Variants in TGFBRAP1 observed in about 807,000 individuals in gnomAD.
The protein encoded by TGFBRAP1 is transforming growth factor-beta receptor-associated protein 1.
TGFBRAP1 carries 20 observed loss-of-function variants against 83.2 expected under a neutral mutation model. The observed-to-expected ratio is 0.24, with a 90% CI of 0.17 to 0.35. The LOEUF (loss-of-function observed/expected upper bound fraction) is 0.35. Among genes scored for constraint, TGFBRAP1 ranks in the 10% least tolerant of loss-of-function variants. The pLI, the probability that TGFBRAP1 is intolerant of heterozygous loss-of-function variation, is 1.00. For missense variants in TGFBRAP1, 950 were observed against 1,099.4 expected (o/e 0.86, Z 1.92); for synonymous variants, 415 against 459.8 (o/e 0.90, Z 1.25).
At position 105,285,315 on chromosome 2, in the gene TGFBRAP1, A is replaced by C. The variant is rs146610633; in HGVS notation, c.1039-917T>G. Among the ~76,000 whole-genome samples the C allele has an allele frequency of 3.5e-3, 538 of 152,290 alleles. 5 individuals carry two copies. The highest frequency in any genetic ancestry group is 0.012 in the African/African-American group (510 of 41,548). The stretch of plus-strand genomic sequence containing the variant: ...CACTCACCTAGCGTCTCCCACTACT[A>C]GCCATGTGTCTGCCATTCAGTCGGT... On this transcript the variant is annotated intron_variant, in intron 4 of 11. Coordinates refer to ENST00000393359, the MANE Select transcript of TGFBRAP1 (RefSeq NM_004257.6).
intron 1 of TGFBRAP1, among the ~76,000 whole-genome samples, chr2:105,314,123 A>G (rs1231317245): frequency 6.6e-6 from 1 of 152,166 alleles, no homozygotes; most frequent in Admixed American, 6.5e-5. Flanking sequence ...AAGACACAGA[A>G]AGAGGAAGGA....
intron 1 of TGFBRAP1, among the ~76,000 whole-genome samples, chr2:105,316,539 G>A (rs1678885119): frequency 6.6e-6 from 1 of 151,026 alleles, no homozygotes; most frequent in Non-Finnish European, 1.5e-5. Flanking sequence ...GGGAGCAGTG[G>A]CTCATGCCTG....
chr2:105,298,814 T>C (rs1200014519), intron 2 of TGFBRAP1, 109 bp from the exon 3 acceptor site: 20 of 994,870 alleles, frequency 2.0e-5, no homozygotes, highest in Non-Finnish European at 2.6e-5. Context: ...AATTTTCCTG[T>C]ACAGTCTTAT....
chr2:105,285,847 G>T (rs1357693408), intron 4 of TGFBRAP1, among the ~76,000 whole-genome samples: 2 of 152,094 alleles, frequency 1.3e-5, no homozygotes, highest in Non-Finnish European at 2.9e-5. Flanking sequence ...TTTCTTCACT[G>T]AAACCAGCCA....
intron 1 of TGFBRAP1, among the ~76,000 whole-genome samples, chr2:105,328,485 G>A (rs1679282808): frequency 6.6e-6 from 1 of 152,204 alleles, no homozygotes; most frequent in South Asian, 2.1e-4. Context: ...GCTCTCAGTT[G>A]TCTGCCAGCT....
chr2:105,296,604 G>T, intron 3 of TGFBRAP1, 94 bp from the exon 4 acceptor site: 2 of 1,362,856 alleles, frequency 1.5e-6, no homozygotes, highest in Non-Finnish European at 2.0e-6. Context: ...TACCTGATTT[G>T]TTCAACAACT....
At chr2:105,324,675 C>T (rs566867001) in intron 1 of TGFBRAP1, among the ~76,000 whole-genome samples, 5 of 152,140 alleles carry the variant, frequency 3.3e-5, no homozygotes, top group Non-Finnish European at 4.4e-5. Flanking sequence ...GGAGTCTTTC[C>T]CCTGACAGAG....
At chr2:105,301,268 T>C (rs915209876) in intron 2 of TGFBRAP1, among the ~76,000 whole-genome samples, 4 of 151,958 alleles carry the variant, frequency 2.6e-5, no homozygotes, top group African/African-American at 9.7e-5. Context: ...AAATTGAATG[T>C]ATTCCTTACA....
chr2:105,269,671 G>A lies in TGFBRAP1; in HGVS notation c.2007C>T (p.Ser669=), dbSNP rs777278959. 29 of 1,571,300 alleles carry A rather than the reference G, an allele frequency of 1.8e-5. No homozygotes were observed. The highest frequency in any genetic ancestry group is 6.8e-5 in the East Asian group (3 of 44,260). ...RLQGAGLPME[S]AILHGKLGEH... ...CGCCCAGCTTCCCGTGCAGGATGGC[G>A]CTCTCCATGGGCAGGCCAGCTCCCT... is the stretch of plus-strand genomic sequence containing the variant. Residue 669 remains serine (S), a synonymous_variant, in exon 11 of 12, where the codon AGC becomes AGT. Coordinates refer to ENST00000393359, the MANE Select transcript of TGFBRAP1 (RefSeq NM_004257.6). This position sits in a 1 kb window ranked among gnomAD's most constrained non-coding sequence, Gnocchi z 4.1.
intron 1 of TGFBRAP1, among the ~76,000 whole-genome samples, chr2:105,314,249 C>CTT (rs1198445714): frequency 0.026 from 3,084 of 118,564 alleles, 186 homozygotes; most frequent in African/African-American, 0.095. Context: ...AGTACTTTCT[C>CTT]TTTTTTTTTT....
intron 7 of TGFBRAP1, among the ~76,000 whole-genome samples, chr2:105,276,875 G>T (rs1160891972): frequency 6.6e-6 from 1 of 152,212 alleles, no homozygotes; most frequent in African/African-American, 2.4e-5. Context: ...CCAGAGTCAT[G>T]AGGTTAACTT....
intron 9 of TGFBRAP1, 152 bp downstream of exon 9, chr2:105,273,392 C>G (rs1483340929): frequency 9.4e-7 from 1 of 1,058,412 alleles, no homozygotes; most frequent in Non-Finnish European, 1.3e-6. Flanking sequence ...AGGTCTCTTT[C>G]CGCAAGCCTC....
At position 105,269,174 on chromosome 2, in the gene TGFBRAP1, A is replaced by G. The variant is rs547122473; in HGVS notation, c.2406+98T>C. On this transcript the variant is annotated intron_variant, in intron 11 of 11. Coordinates refer to ENST00000393359, the MANE Select transcript of TGFBRAP1 (RefSeq NM_004257.6). The surrounding 1 kb of genome is among the most constrained non-coding windows in gnomAD (Gnocchi z 4.1). ...ATGTGTTGTAGTCATAGAGACAGAA[A>G]AAAGAAAAACCAACAAAGACTATTT... 1 of 1,405,566 alleles carries G rather than the reference A, an allele frequency of 7.1e-7. No homozygotes were observed. The highest frequency in any genetic ancestry group is 2.5e-5 in the East Asian group (1 of 39,688). The allele number at this position is 1,405,566 out of a possible 1,614,324, so 87.1% of individuals were successfully genotyped here. A position where few individuals can be genotyped will look rare whatever the true frequency, so the allele number is the denominator to read the frequency against.
chr2:105,284,292 C>T (rs1450123600), intron 5 of TGFBRAP1, 24 bp downstream of exon 5: 1 of 1,611,782 alleles, frequency 6.2e-7, no homozygotes. Context: ...TAGTGGCAGT[C>T]TTGCTACCAG....
In TGFBRAP1 at chr2:105,269,224, G is replaced by C. The variant is rs1200187010; in HGVS notation, c.2406+48C>G. 1 of 1,516,494 alleles carries C rather than the reference G, an allele frequency of 6.6e-7. No homozygotes were observed. Among genetic ancestry groups the C allele is most frequent in the African/African-American group, 1.4e-5 (1 of 72,216 alleles). 93.9% of individuals were successfully genotyped at this position (1,516,494 alleles called of 1,614,324 possible). ...TTTCCATCAGTAAAATCTACCTTCAGTACAATGTTGACTGACCAGGAAGCA... is the reference window on the plus strand; with the variant it reads ...TTTCCATCAGTAAAATCTACCTTCACTACAATGTTGACTGACCAGGAAGCA... On this transcript the variant is annotated intron_variant, in intron 11 of 11. Transcript: ENST00000393359. The surrounding 1 kb of genome is among the most constrained non-coding windows in gnomAD (Gnocchi z 4.1).
intron 1 of TGFBRAP1, among the ~76,000 whole-genome samples, chr2:105,311,199 T>A (rs1412092179): frequency 1.3e-5 from 2 of 150,656 alleles, no homozygotes; most frequent in African/African-American, 2.4e-5. Context: ...TAAAAAGTCA[T>A]AACTCTATAA....
rs750427203 is a variant in TGFBRAP1 at position 105,269,545 on chromosome 2, G to A, written c.2133C>T (p.His711=). The A allele has an allele frequency of 2.5e-6, 4 of 1,611,960 alleles. No homozygotes were observed. The highest frequency in any genetic ancestry group is 3.4e-6 in the Non-Finnish European group (4 of 1,178,806). Residue 711 remains histidine (H), a synonymous_variant, in exon 11 of 12, where the codon CAC becomes CAT. Transcript: ENST00000393359. The surrounding 1 kb of genome is among the most constrained non-coding windows in gnomAD (Gnocchi z 4.1). The stretch of plus-strand genomic sequence containing the variant: ...GCAGCGTGTGAAAGAGTTGCTGGCG[G>A]TGGGGTGGGTCTCGGCCCTCGGAGC... ...LWCSEGRDPP[H]RQQLFHTLLA...
chr2:105,269,634 C>A lies in TGFBRAP1; in HGVS notation c.2044G>T (p.Ala682Ser). The change falls in exon 11 of 12, where the codon GCG becomes TCG. Residue 682 changes from alanine to serine, a missense_variant. Ala to Ser is a moderately conservative substitution (Grantham distance 99, BLOSUM62 1). Transcript: ENST00000393359. This position sits in a 1 kb window ranked among gnomAD's most constrained non-coding sequence, Gnocchi z 4.1. Reference sequence around the variant, plus strand: ...AGCTCGTGCACCAGGATATGCAGCGCCTTCTCATGCTCGCCCAGCTTCCCG... The same window carrying A: ...AGCTCGTGCACCAGGATATGCAGCGACTTCTCATGCTCGCCCAGCTTCCCG... ...LHGKLGEHEK[A>S]LHILVHELQD... 6.3e-7 allele frequency: 1 copy of A among 1,598,804 alleles called. No individual in the cohort carries two copies. Among genetic ancestry groups the A allele is most frequent in the Non-Finnish European group, 8.5e-7 (1 of 1,169,802 alleles).
At chr2:105,252,298 A>G in the TGFBRAP1 span, among the ~76,000 whole-genome samples, 3 of 152,240 alleles carry the variant, frequency 2.0e-5, no homozygotes. Context: ...TGATTTTAAA[A>G]ATGCACAAGG....
Sources: gnomAD v4.1 joint callset for allele counts (sites outside exome capture counted in the v4.1 genomes callset) on GRCh38, gnomAD v4.1.1 for gene constraint, Gnocchi (gnomAD v3.1) non-coding constraint, MANE v1.5 for transcripts, NCBI Gene and HGNC (gene_info 2026-07-23, HGNC 2026-07-21) for gene names.